Variants in PSEN2 observed in about 807,000 individuals in gnomAD.
PSEN2 encodes presenilin 2.
Under a neutral mutation model 49.1 loss-of-function variants are expected in PSEN2, and 32 were observed. The ratio of observed to expected loss-of-function variants is 0.65; its 90% CI spans 0.49 to 0.88. The LOEUF is 0.88. PSEN2 is among the 40% of genes least tolerant of loss of function. The probability of loss-of-function intolerance (pLI) is 0.00; values close to 1 mark genes in which losing one functional copy is unlikely to be tolerated. For synonymous variants in PSEN2, 255 were observed against 244.0 expected, an observed-to-expected ratio of 1.05 and a Z score of -0.42; for missense variants, 522 against 586.9, an observed-to-expected ratio of 0.89 and a Z score of 1.14.
Position 226,885,610 on chromosome 1 carries a change from C to T in PSEN2, c.429C>T (p.Leu143=), listed in dbSNP as rs201196514. The T allele has an allele frequency of 2.5e-5, 41 of 1,613,696 alleles. No homozygotes were observed. The highest frequency in any genetic ancestry group is 3.4e-5 in the Non-Finnish European group (40 of 1,179,952). The change falls in exon 6 of 13, where the codon CTC becomes CTT. Residue 143 remains leucine (L), a synonymous_variant. Transcript: ENST00000366783. ...TCCTCAACTCCGTGCTGAACACCCT[C>T]ATCATGATCAGCGTCATCGTGGTTA... The part of the protein sequence containing the change: ...QRLLNSVLNT[L]IMISVIVVMT...
intron 3 of PSEN2, 124 bp from the exon 4 acceptor site, chr1:226,881,764 C>G (rs1395682942): frequency 1.5e-5 from 16 of 1,063,286 alleles, no homozygotes; most frequent in African/African-American, 4.7e-5. Flanking sequence ...ACAGGCATCT[C>G]TTGGAAGCTT....
In PSEN2 at chr1:226,885,568, C is replaced by T. The variant is rs1177768615; in HGVS notation, c.387C>T (p.Pro129=). Residue 129 remains proline, a synonymous_variant, in exon 6 of 13, where the codon CCC becomes CCT. Transcript: ENST00000366783. The stretch of plus-strand genomic sequence containing the variant: ...ACACGCCATTCACTGAGGACACACC[C>T]TCGGTGGGCCAGCGCCTCCTCAACT... The part of the protein sequence containing the change: ...LIYTPFTEDT[P]SVGQRLLNSV... 2 of 1,613,938 alleles carry T rather than the reference C, an allele frequency of 1.2e-6. No homozygotes were observed. Among genetic ancestry groups the T allele is most frequent in the Non-Finnish European group, 8.5e-7 (1 of 1,180,032 alleles).
At chr1:226,902,439 G>A (rs1350719200) in intron 12 of PSEN2, among the ~76,000 whole-genome samples, 2 of 152,098 alleles carry the variant, frequency 1.3e-5, no homozygotes, top group Admixed American at 1.3e-4. Flanking sequence ...GAATGGGGAG[G>A]ATGGAGAGAA....
At chr1:226,903,166 G>A (rs1438600093) in intron 12 of PSEN2, among the ~76,000 whole-genome samples, 1 of 151,808 alleles carries the variant, frequency 6.6e-6, no homozygotes, top group East Asian at 1.9e-4. Context: ...GGGTGGTCTC[G>A]ATTTTGAAAT....
At chr1:226,895,392 A>G in intron 12 of PSEN2, 32 bp from the exon 13 acceptor site, 1 of 1,613,264 alleles carries the variant, frequency 6.2e-7, no homozygotes, top group African/African-American at 1.3e-5. Flanking sequence ...ACCAGGGATC[A>G]CCACGCTCAC....
intron 6 of PSEN2, among the ~76,000 whole-genome samples, chr1:226,886,604 T>C (rs1389765421): frequency 2.0e-5 from 3 of 152,206 alleles, no homozygotes; most frequent in Admixed American, 6.5e-5. Flanking sequence ...TTAAAACTGT[T>C]TACACACAGG....
At chr1:226,878,547 A>C (rs1184673158) in intron 3 of PSEN2, among the ~76,000 whole-genome samples, 1 of 152,200 alleles carries the variant, frequency 6.6e-6, no homozygotes, top group Non-Finnish European at 1.5e-5. Flanking sequence ...TGGGAGCCTA[A>C]GAAACACAAC....
At chr1:226,885,096 T>C (rs1661267967) in intron 5 of PSEN2, among the ~76,000 whole-genome samples, 1 of 151,988 alleles carries the variant, frequency 6.6e-6, no homozygotes, top group African/African-American at 2.4e-5. Context: ...CTTCCTGAGC[T>C]TATGAGCTGC....
downstream of PSEN2, chr1:226,897,684 A>G (rs1198460744): frequency 6.4e-6 from 1 of 155,412 alleles, no homozygotes; most frequent in Non-Finnish European, 1.5e-5. Flanking sequence ...TCCCCCGTGT[A>G]ACCCGTCAAC....
chr1:226,881,059 G>A (rs891388770), intron 3 of PSEN2, among the ~76,000 whole-genome samples: 1 of 152,082 alleles, frequency 6.6e-6, no homozygotes, highest in South Asian at 2.1e-4. Flanking sequence ...TCTCTCCTGC[G>A]TCAGGTCCTG....
chr1:226,889,880 C>T (rs950833438), intron 8 of PSEN2, among the ~76,000 whole-genome samples, 155 bp from the exon 9 acceptor site: 1 of 152,242 alleles, frequency 6.6e-6, no homozygotes, highest in East Asian at 1.9e-4. Context: ...CCAGGGCCTG[C>T]TCTAAGTTGT....
At chr1:226,897,756 C>G (rs1354369822), downstream of PSEN2, 1 of 155,476 alleles carries the variant, frequency 6.4e-6, no homozygotes, top group East Asian at 1.9e-4. Context: ...TTCTGAAGTC[C>G]TGTTTGTATG....
intron 9 of PSEN2, chr1:226,890,715 A>T (rs1571964432): frequency 1.0e-5 from 2 of 195,424 alleles, no homozygotes; most frequent in East Asian, 2.6e-4. Context: ...CCCAGGCCTC[A>T]TGGAGCTCAC....
intron 2 of PSEN2, among the ~76,000 whole-genome samples, chr1:226,873,269 A>G (rs1660426197): frequency 6.6e-6 from 1 of 152,194 alleles, no homozygotes; most frequent in South Asian, 2.1e-4. Context: ...ACTGAGTGGG[A>G]GAATGGGCTG....
downstream of PSEN2, among the ~76,000 whole-genome samples, chr1:226,901,538 A>G (rs983658594): frequency 6.6e-6 from 1 of 151,946 alleles, no homozygotes; most frequent in Non-Finnish European, 1.5e-5. Flanking sequence ...TCTAGGCAAC[A>G]TGGCAAGACC....
At chr1:226,898,426 A>G (rs1424122031), downstream of PSEN2, 1 of 152,206 alleles carries the variant, frequency 6.6e-6, no homozygotes, top group Non-Finnish European at 1.5e-5. Context: ...AATTGACTGG[A>G]CATTCCCAAT....
At chr1:226,901,253 T>A (rs1318714441), downstream of PSEN2, among the ~76,000 whole-genome samples, 1 of 151,998 alleles carries the variant, frequency 6.6e-6, no homozygotes, top group African/African-American at 2.4e-5. Context: ...CTGGCCGACA[T>A]GGTGAAACTC....
chr1:226,884,216 C>T (rs531521495), intron 5 of PSEN2, among the ~76,000 whole-genome samples: 1 of 152,344 alleles, frequency 6.6e-6, no homozygotes, highest in East Asian at 1.9e-4. Flanking sequence ...AGAAGAGTGT[C>T]TACTGCACGT....
intron 10 of PSEN2, 37 bp downstream of exon 10, chr1:226,891,398 G>T: frequency 6.4e-7 from 1 of 1,558,096 alleles, no homozygotes; most frequent in South Asian, 1.2e-5. Flanking sequence ...TCTCATCACT[G>T]GGGGGCAGCT....
Sources: allele counts gnomAD v4.1 joint callset (sites outside exome capture counted in the v4.1 genomes callset), GRCh38; gene constraint gnomAD v4.1.1; transcripts MANE v1.5; gene names NCBI Gene and HGNC (gene_info 2026-07-23, HGNC 2026-07-21).